The following FGF14 variants were observed in gnomAD, a reference collection of about 807,000 sequenced individuals.
FGF14 encodes fibroblast growth factor 14.
FGF14 carries 5 observed loss-of-function variants against 25.5 expected under a neutral mutation model. The ratio of observed to expected loss-of-function variants is 0.20; its 90% CI spans 0.10 to 0.41. FGF14 has a LOEUF of 0.41. FGF14 is among the 10% of genes least tolerant of loss of function. The pLI, the probability that FGF14 is intolerant of heterozygous loss-of-function variation, is 1.00. For missense variants in FGF14, 222 were observed against 320.1 expected (o/e 0.69, Z 2.34); for synonymous variants, 138 against 118.3 (o/e 1.17, Z -1.08).
At chr13:101,883,038 C>T (rs1368656345) in intron 1 of FGF14, among the ~76,000 whole-genome samples, 2 of 152,074 alleles carry the variant, frequency 1.3e-5, no homozygotes, top group African/African-American at 2.4e-5. Context: ...AAGTAGACAT[C>T]TACACTTTTA....
chr13:101,978,567 T>A (rs1321696358), intron 1 of FGF14, among the ~76,000 whole-genome samples: 1 of 152,176 alleles, frequency 6.6e-6, no homozygotes, highest in Non-Finnish European at 1.5e-5. Flanking sequence ...AGCTTTAAAT[T>A]AAATACCAAA....
intron 1 of FGF14, among the ~76,000 whole-genome samples, chr13:102,331,235 C>T (rs952662572): frequency 6.6e-6 from 1 of 152,074 alleles, no homozygotes; most frequent in Non-Finnish European, 1.5e-5. Flanking sequence ...GGTACAAAGC[C>T]GTTTTAATGA....
At chr13:102,150,014 C>A (rs1393707945) in intron 1 of FGF14, among the ~76,000 whole-genome samples, 1 of 152,102 alleles carries the variant, frequency 6.6e-6, no homozygotes, top group Admixed American at 6.5e-5. Flanking sequence ...TGTATAGGAA[C>A]CAGGATCTTT....
At chr13:101,896,376 C>G (rs114450908) in intron 1 of FGF14, among the ~76,000 whole-genome samples, 27 of 152,192 alleles carry the variant, frequency 1.8e-4, no homozygotes, top group Admixed American at 4.6e-4. Flanking sequence ...CTATGCCCCC[C>G]ACTCTGTACA....
At chr13:102,051,441 C>A (rs939477753) in intron 1 of FGF14, among the ~76,000 whole-genome samples, 6 of 152,154 alleles carry the variant, frequency 3.9e-5, no homozygotes, top group Non-Finnish European at 8.8e-5. Context: ...AGGCACCACA[C>A]ATCAGACACC....
At chr13:102,383,328 T>C (rs2058229554) in intron 1 of FGF14, among the ~76,000 whole-genome samples, 1 of 152,180 alleles carries the variant, frequency 6.6e-6, no homozygotes, top group South Asian at 2.1e-4. Flanking sequence ...AATATGTTTA[T>C]TTGTGGTGAA....
At chr13:102,029,148 G>A (rs1279515138) in intron 1 of FGF14, among the ~76,000 whole-genome samples, 1 of 152,018 alleles carries the variant, frequency 6.6e-6, no homozygotes, top group Non-Finnish European at 1.5e-5. Context: ...TCAAAAAGGA[G>A]GGCAAAATGA....
At chr13:102,128,769 T>C (rs1019211714) in intron 1 of FGF14, among the ~76,000 whole-genome samples, 7 of 152,172 alleles carry the variant, frequency 4.6e-5, no homozygotes, top group African/African-American at 1.7e-4. Flanking sequence ...GGCTTTTCAG[T>C]AATACTGAGT....
intron 1 of FGF14, among the ~76,000 whole-genome samples, chr13:101,910,837 CGTGTGTGTGTGTGTGTGTGT>C (rs59758881): frequency 0.012 from 1,560 of 129,324 alleles, 18 homozygotes; most frequent in South Asian, 0.03. Context: ...GATTTGGATT[CGTGTGTGTGTGTGTGTGTGT>C]GTGTGTGTGT....
chr13:102,182,674 T>G (rs2048724573), intron 1 of FGF14, among the ~76,000 whole-genome samples: 1 of 152,148 alleles, frequency 6.6e-6, no homozygotes, highest in African/African-American at 2.4e-5. Flanking sequence ...TTTACAAAAT[T>G]TGTTGACCTC....
At chr13:102,226,118 C>A (rs1594483037) in intron 1 of FGF14, among the ~76,000 whole-genome samples, 1 of 152,298 alleles carries the variant, frequency 6.6e-6, no homozygotes, top group African/African-American at 2.4e-5. Flanking sequence ...AGTCTGCCAG[C>A]TGGCCCGTCC....
At chr13:101,932,050 A>G (rs1448343404) in intron 1 of FGF14, among the ~76,000 whole-genome samples, 2 of 152,332 alleles carry the variant, frequency 1.3e-5, no homozygotes, top group East Asian at 3.9e-4. Context: ...GGATTCCATT[A>G]AAATTAAGGC....
chr13:101,982,423 A>G (rs2038323180), intron 1 of FGF14, among the ~76,000 whole-genome samples: 1 of 152,226 alleles, frequency 6.6e-6, no homozygotes, highest in East Asian at 1.9e-4. Context: ...CTGCAGAGTA[A>G]GAATTACAAA....
chr13:101,715,093 T>C lies in FGF14; in HGVS notation c.*7738A>G. ...AGTTACGAGGAAACAGAGACATGTA[T>C]ACTTCTCCTCAGCTCTAGCTGAAGG... On this transcript the variant is annotated 3_prime_UTR_variant, in exon 5 of 5. Transcript: ENST00000376143. The C allele has an allele frequency of 6.0e-6, 1 of 167,838 alleles. No individual in the cohort carries two copies. The highest frequency in any genetic ancestry group is 1.3e-5 in the Non-Finnish European group (1 of 77,540). The allele number at this position is 167,838 out of a possible 1,614,324, so 10.4% of individuals were successfully genotyped here. A position where few individuals can be genotyped will look rare whatever the true frequency, so the allele number is the denominator to read the frequency against.
chr13:102,016,029 T>C (rs1000135222), intron 1 of FGF14, among the ~76,000 whole-genome samples: 2 of 152,084 alleles, frequency 1.3e-5, no homozygotes, highest in Non-Finnish European at 1.5e-5. Context: ...ATGAATTTGG[T>C]ATAATATCCC....
intron 1 of FGF14, among the ~76,000 whole-genome samples, chr13:102,211,125 T>C (rs1057181754): frequency 5.9e-5 from 9 of 152,096 alleles, no homozygotes; most frequent in African/African-American, 1.9e-4. Flanking sequence ...AATATTATAG[T>C]TATAATGCAA....
intron 1 of FGF14, among the ~76,000 whole-genome samples, chr13:102,338,925 C>T (rs766592131): frequency 6.6e-6 from 1 of 151,220 alleles, no homozygotes; most frequent in Non-Finnish European, 1.5e-5. Flanking sequence ...GCAGCAGAAT[C>T]CCTTGAACCC....
chr13:102,134,769 T>C (rs994840098), intron 1 of FGF14, among the ~76,000 whole-genome samples: 10 of 152,168 alleles, frequency 6.6e-5, no homozygotes, highest in Non-Finnish European at 1.5e-5. Context: ...TTTTACAAAG[T>C]AGCTTAAATT....
upstream of FGF14, among the ~76,000 whole-genome samples, chr13:101,917,299 C>G (rs767165181): frequency 1.3e-5 from 2 of 152,050 alleles, no homozygotes; most frequent in African/African-American, 4.8e-5. Flanking sequence ...CCCCACTACA[C>G]CCCCTCCACC....
Sources: allele counts gnomAD v4.1 joint callset (sites outside exome capture counted in the v4.1 genomes callset), GRCh38; gene constraint gnomAD v4.1.1; transcripts MANE v1.5; gene names NCBI Gene and HGNC (gene_info 2026-07-23, HGNC 2026-07-21).